TRAPPC6B: variants seen among roughly 807,000 people sequenced by gnomAD.
The protein encoded by TRAPPC6B is trafficking protein particle complex subunit 6B.
A neutral mutation model predicts 24.7 loss-of-function variants in TRAPPC6B; 27 were observed. The observed-to-expected ratio is 1.09, with a 90% CI of 0.81 to 1.51. TRAPPC6B has a LOEUF of 1.51. TRAPPC6B is among the 40% of genes most tolerant of loss of function. The probability of loss-of-function intolerance (pLI) is 0.00; values close to 1 mark genes in which losing one functional copy is unlikely to be tolerated. For synonymous variants in TRAPPC6B, 80 were observed against 66.6 expected (o/e 1.20, Z -0.98); for missense variants, 212 against 190.8 (o/e 1.11, Z -0.66).
intron 1 of TRAPPC6B, among the ~76,000 whole-genome samples, chr14:39,163,940 C>T (rs1487591510): frequency 6.6e-6 from 1 of 150,894 alleles, no homozygotes; most frequent in Admixed American, 6.6e-5. Context: ...CACCTAGTTA[C>T]TCCAACCAGA....
At chr14:39,166,560 G>T (rs377065405) in intron 1 of TRAPPC6B, among the ~76,000 whole-genome samples, 2 of 152,218 alleles carry the variant, frequency 1.3e-5, no homozygotes. Flanking sequence ...AATGATAATA[G>T]CCCTTCCCGA....
Position 39,170,074 on chromosome 14 carries a change from A to G in TRAPPC6B, c.22T>C (p.Leu8=), listed in dbSNP as rs1373575177. The G allele has an allele frequency of 5.6e-6, 9 of 1,614,086 alleles. No individual in the cohort carries two copies. Among genetic ancestry groups the G allele is most frequent in the Non-Finnish European group, 6.8e-6 (8 of 1,179,998 alleles). The part of the protein sequence containing the change: MADEALF[L]LLHNEMVSGV... ...GACACCATCTCGTTATGGAGAAGCAAAAACAACGCCTCATCCGCCATTTCC... is the reference window on the plus strand; with the variant it reads ...GACACCATCTCGTTATGGAGAAGCAGAAACAACGCCTCATCCGCCATTTCC... Residue 8 remains leucine (L), a synonymous_variant, in exon 1 of 6, where the codon TTG becomes CTG. Coordinates refer to ENST00000330149, the MANE Select transcript of TRAPPC6B (RefSeq NM_001079537.2).
At chr14:39,169,157 G>A (rs1170730477) in intron 1 of TRAPPC6B, among the ~76,000 whole-genome samples, 1 of 152,174 alleles carries the variant, frequency 6.6e-6, no homozygotes, top group East Asian at 1.9e-4. Flanking sequence ...ACTTGAGCAT[G>A]ACTTTGGAGT....
chr14:39,154,187 C>T (rs1410647369), intron 4 of TRAPPC6B, 24 bp downstream of exon 4: 5 of 1,500,948 alleles, frequency 3.3e-6, no homozygotes, highest in African/African-American at 1.4e-5. Context: ...TAACAAAAAC[C>T]CCAACTTCTA....
intron 1 of TRAPPC6B, among the ~76,000 whole-genome samples, chr14:39,160,542 G>T (rs2053043599): frequency 6.6e-6 from 1 of 151,212 alleles, no homozygotes; most frequent in African/African-American, 2.4e-5. Flanking sequence ...ACTCCAGCCT[G>T]GGCAACAGGT....
intron 3 of TRAPPC6B, 57 bp downstream of exon 3, chr14:39,158,228 C>A: frequency 2.2e-6 from 2 of 925,424 alleles, no homozygotes; most frequent in South Asian, 3.3e-5. Flanking sequence ...CACTAAAATA[C>A]GATATTTATA....
At chr14:39,160,718 TAGAAG>T (rs2053047537) in intron 1 of TRAPPC6B, among the ~76,000 whole-genome samples, 3 of 152,208 alleles carry the variant, frequency 2.0e-5, no homozygotes, top group East Asian at 3.9e-4. Flanking sequence ...TGTTTTCTCT[TAGAAG>T]AGGAGAAAAA....
rs776448383 is a variant in TRAPPC6B, at chr14:39,158,327, C to T, written c.225G>A (p.Thr75=). Residue 75 remains threonine (T), a synonymous_variant, in exon 3 of 6, where the codon ACG becomes ACA. Coordinates refer to ENST00000330149, the MANE Select transcript of TRAPPC6B (RefSeq NM_001079537.2). ...GATTGTCGATTTGTTTCTTGAATAC[C>T]GTAGTCCAAAAATCTTTACAAATGA... The part of the protein sequence containing the change: ...MKFICKDFWT[T]VFKKQIDNLR... 11 of 1,602,514 alleles carry T rather than the reference C, an allele frequency of 6.9e-6. No homozygotes were observed. The highest frequency in any genetic ancestry group is 5.3e-5 in the Admixed American group (3 of 56,520).
intron 3 of TRAPPC6B, among the ~76,000 whole-genome samples, chr14:39,154,872 ATAGTC>A (rs2139379218): frequency 6.6e-6 from 1 of 152,334 alleles, no homozygotes; most frequent in South Asian, 2.1e-4. Flanking sequence ...TTAAAAACTC[ATAGTC>A]TAGTACGATG....
In TRAPPC6B at chr14:39,159,478, C is replaced by A. The variant is rs371147847; in HGVS notation, c.149+5G>T. 67 of 1,576,886 alleles carry A rather than the reference C, an allele frequency of 4.2e-5. No homozygotes were observed. Among genetic ancestry groups the A allele is most frequent in the Non-Finnish European group, 5.3e-5 (62 of 1,160,490 alleles). On this transcript the variant is annotated splice_donor_5th_base_variant and intron_variant, in intron 2 of 5. Coordinates refer to ENST00000330149, the MANE Select transcript of TRAPPC6B (RefSeq NM_001079537.2). Reference sequence around the variant, plus strand: ...CAAGAAAATTTTCAAATCCAACCTGCTCACCTTTCTATCAATCCTTGTCCC... The same window carrying A: ...CAAGAAAATTTTCAAATCCAACCTGATCACCTTTCTATCAATCCTTGTCCC...
chr14:39,170,083 C>G lies in TRAPPC6B; in HGVS notation c.13G>C (p.Ala5Pro), dbSNP rs757132738. Residue 5 changes from alanine to proline, a missense_variant, in exon 1 of 6, where the codon GCG (alanine) becomes CCG (proline). By Grantham distance (27) the Ala-to-Pro change is conservative (BLOSUM62 -1). Transcript: ENST00000330149. ...TCGTTATGGAGAAGCAAAAACAACG[C>G]CTCATCCGCCATTTCCTGCTAATTC... Reference protein sequence around the residue: MADEALFLLLHNEMV... With the variant: MADEPLFLLLHNEMV... 4 of 1,614,186 alleles carry G rather than the reference C, an allele frequency of 2.5e-6. No homozygotes were observed. In the East Asian group the frequency reaches 8.9e-5, roughly 36 times the overall value.
In TRAPPC6B at chr14:39,149,536, C is replaced by G. The variant is rs2052890917; in HGVS notation, c.*814G>C. ...TAAGATGATATGGTCCAAAGAATGTCAGAATGACTAATTCAATTATCCAAC... is the reference window on the plus strand; with the variant it reads ...TAAGATGATATGGTCCAAAGAATGTGAGAATGACTAATTCAATTATCCAAC... On this transcript the variant is annotated 3_prime_UTR_variant, in exon 6 of 6. Transcript: ENST00000330149. 6.6e-6 allele frequency: 1 copy of G among 152,164 alleles called. No homozygotes were observed. The highest frequency in any genetic ancestry group is 1.5e-5 in the Non-Finnish European group (1 of 68,038). 9.4% of individuals were successfully genotyped at this position (152,164 alleles called of 1,614,324 possible). A position where few individuals can be genotyped will look rare whatever the true frequency, so the allele number is the denominator to read the frequency against.
At chr14:39,165,810 CTGTT>C (rs1235858439) in intron 1 of TRAPPC6B, among the ~76,000 whole-genome samples, 4 of 148,992 alleles carry the variant, frequency 2.7e-5, no homozygotes, top group Admixed American at 1.3e-4. Flanking sequence ...CTCTCTCTCT[CTGTT>C]TTTTTTTGAG....
At chr14:39,153,690 GTTTC>G (rs1009009309) in intron 4 of TRAPPC6B, among the ~76,000 whole-genome samples, 8 of 144,844 alleles carry the variant, frequency 5.5e-5, no homozygotes, top group African/African-American at 2.1e-4. Context: ...TAGTTATAGT[GTTTC>G]TTTTTTTTCT....
At chr14:39,169,466 G>A (rs769762759) in intron 1 of TRAPPC6B, among the ~76,000 whole-genome samples, 6 of 152,182 alleles carry the variant, frequency 3.9e-5, no homozygotes, top group Middle Eastern at 6.8e-3. Flanking sequence ...TCTGACATAA[G>A]GGCACTAAAT....
At chr14:39,169,385 TA>T (rs1011296561) in intron 1 of TRAPPC6B, among the ~76,000 whole-genome samples, 51 of 151,862 alleles carry the variant, frequency 3.4e-4, no homozygotes, top group South Asian at 1.9e-3. Context: ...TAAATTAGAT[TA>T]AAAAAAAATC....
rs993930634 is a variant in TRAPPC6B at position 39,147,965 on chromosome 14, G to C, written c.*2385C>G. On this transcript the variant is annotated 3_prime_UTR_variant, in exon 6 of 6. Transcript: ENST00000330149. ...TTTCTACTAAGAGAGGTTTCTTTTT[G>C]GCTACAAGTAACAATATACATATAC... 1.3e-5 allele frequency: 2 copies of C among 151,954 alleles called. No homozygotes were observed. Among genetic ancestry groups the C allele is most frequent in the Admixed American group, 1.3e-4 (2 of 15,248 alleles). The allele number at this position is 151,954 out of a possible 1,614,324, so 9.4% of individuals were successfully genotyped here. A position where few individuals can be genotyped will look rare whatever the true frequency, so the allele number is the denominator to read the frequency against.
chr14:39,165,191 G>A (rs1057248756), intron 1 of TRAPPC6B, among the ~76,000 whole-genome samples: 7 of 151,878 alleles, frequency 4.6e-5, no homozygotes, highest in Non-Finnish European at 5.9e-5. Flanking sequence ...GACTACAGGC[G>A]ACCGCCACCA....
chr14:39,161,717 G>C (rs181188065), intron 1 of TRAPPC6B, among the ~76,000 whole-genome samples: 348 of 152,138 alleles, frequency 2.3e-3, no homozygotes, highest in African/African-American at 7.7e-3. Context: ...CAACCCACCA[G>C]GTACACTTCA....
Sources: gnomAD v4.1 joint callset for allele counts (sites outside exome capture counted in the v4.1 genomes callset) on GRCh38, gnomAD v4.1.1 for gene constraint, MANE v1.5 for transcripts, NCBI Gene and HGNC (gene_info 2026-07-23, HGNC 2026-07-21) for gene names.